Variants in CCDC50 observed in about 807,000 individuals in gnomAD.
CCDC50 encodes the protein coiled-coil domain-containing protein 50.
CCDC50 carries 54 observed loss-of-function variants against 70.2 expected under a neutral mutation model. The observed-to-expected ratio is 0.77, with a 90% CI of 0.62 to 0.96. CCDC50 has a LOEUF of 0.96. CCDC50 is among the 50% of genes least tolerant of loss of function. CCDC50 has a pLI of 0.00. For synonymous variants in CCDC50, 216 were observed against 198.8 expected (o/e 1.09, Z -0.73); for missense variants, 558 against 578.7 (o/e 0.96, Z 0.37).
At position 191,397,509 on chromosome 3, in the gene CCDC50, C is replaced by CA. The variant is rs1713898990; in HGVS notation, c.*5753dup. 6.6e-6 allele frequency: 1 copy of CA among 152,064 alleles called. No individual in the cohort carries two copies. Among genetic ancestry groups the CA allele is most frequent in the South Asian group, 2.1e-4 (1 of 4,820 alleles). The allele number at this position is 152,064 out of a possible 1,614,324, so 9.4% of individuals were successfully genotyped here. On this transcript the variant is annotated 3_prime_UTR_variant, in exon 12 of 12. Coordinates refer to ENST00000392455, the MANE Select transcript of CCDC50 (RefSeq NM_178335.3). ...GAGATAGCATATAAAAATGATGCTCCAAAATGAGAATTCTATATGGGGCTT... is the reference window on the plus strand; with the variant it reads ...GAGATAGCATATAAAAATGATGCTCCAAAAATGAGAATTCTATATGGGGCTT...
chr3:191,354,440 T>A (rs1314060869), intron 1 of CCDC50, among the ~76,000 whole-genome samples: 2 of 152,244 alleles, frequency 1.3e-5, no homozygotes, highest in Non-Finnish European at 2.9e-5. Context: ...GAAATATTTT[T>A]AAAATTATTG....
intron 1 of CCDC50, among the ~76,000 whole-genome samples, chr3:191,331,826 G>T (rs1184455559): frequency 1.3e-5 from 2 of 152,160 alleles, no homozygotes; most frequent in Non-Finnish European, 2.9e-5. Context: ...TGAAGCTTGT[G>T]CCCCTGATAG....
At chr3:191,333,992 A>G (rs773920052) in intron 1 of CCDC50, among the ~76,000 whole-genome samples, 4 of 152,194 alleles carry the variant, frequency 2.6e-5, no homozygotes, top group African/African-American at 7.2e-5. Context: ...ATAATCATTA[A>G]GAATAGAATT....
intron 9 of CCDC50, among the ~76,000 whole-genome samples, chr3:191,382,131 T>TA (rs1713340494): frequency 6.6e-6 from 1 of 152,114 alleles, no homozygotes; most frequent in South Asian, 2.1e-4. Context: ...TTTGCTACCT[T>TA]AACTAGGAAA....
At chr3:191,389,907 C>G (rs1713625651) in intron 11 of CCDC50, among the ~76,000 whole-genome samples, 1 of 122,642 alleles carries the variant, frequency 8.2e-6, no homozygotes, top group Admixed American at 1.1e-4. Context: ...GTTGCCCAGG[C>G]TGGAATGCAG....
chr3:191,357,489 G>A (rs1377100262), intron 2 of CCDC50, among the ~76,000 whole-genome samples: 1 of 152,188 alleles, frequency 6.6e-6, no homozygotes, highest in Non-Finnish European at 1.5e-5. Context: ...CTAGGATAGG[G>A]ACTTGAACAG....
chr3:191,345,739 G>GA (rs900360920), intron 1 of CCDC50, among the ~76,000 whole-genome samples: 8 of 150,502 alleles, frequency 5.3e-5, no homozygotes, highest in East Asian at 3.9e-4. Context: ...TAGGGGATTA[G>GA]AAAAAAAAAT....
chr3:191,385,285 TA>T (rs1158988966), intron 10 of CCDC50, among the ~76,000 whole-genome samples: 3 of 152,212 alleles, frequency 2.0e-5, no homozygotes, highest in Non-Finnish European at 4.4e-5. Flanking sequence ...ATCAACAGTG[TA>T]AAAGTGGTGT....
intron 1 of CCDC50, 123 bp downstream of exon 1, chr3:191,329,846 C>T: frequency 2.2e-6 from 2 of 927,856 alleles, no homozygotes; most frequent in Non-Finnish European, 3.2e-6. Context: ...CTGCGTTGGC[C>T]TTGCCCGGAC....
intron 11 of CCDC50, among the ~76,000 whole-genome samples, chr3:191,391,371 G>GA (rs1397347693): frequency 2.0e-5 from 3 of 152,016 alleles, no homozygotes; most frequent in Admixed American, 6.6e-5. Flanking sequence ...CCAATACTGA[G>GA]AAAAAGACAA....
At position 191,329,489 on chromosome 3, in the gene CCDC50, G is replaced by T; in HGVS notation, c.-186G>T. On this transcript the variant is annotated 5_prime_UTR_variant, in exon 1 of 12. Coordinates refer to ENST00000392455, the MANE Select transcript of CCDC50 (RefSeq NM_178335.3). ...CTGGGCCGCCAGCTTGGTGCCTCGGGGACCGTCTCCCGCTGCTTTGGTCAC... is the reference window on the plus strand; with the variant it reads ...CTGGGCCGCCAGCTTGGTGCCTCGGTGACCGTCTCCCGCTGCTTTGGTCAC... 1.9e-6 allele frequency: 1 copy of T among 521,716 alleles called. No homozygotes were observed. Among genetic ancestry groups the T allele is most frequent in the Non-Finnish European group, 3.3e-6 (1 of 303,144 alleles). The allele number at this position is 521,716 out of a possible 1,614,324, so 32.3% of individuals were successfully genotyped here. A position where few individuals can be genotyped will look rare whatever the true frequency, so the allele number is the denominator to read the frequency against.
chr3:191,330,294 A>AC (rs1316322194), intron 1 of CCDC50: 1 of 104,120 alleles, frequency 9.6e-6, no homozygotes, highest in African/African-American at 4.5e-5. Context: ...TCTTACAAAC[A>AC]AAACACACAC....
intron 1 of CCDC50, among the ~76,000 whole-genome samples, chr3:191,354,293 G>C (rs578075032): frequency 6.6e-6 from 1 of 152,046 alleles, no homozygotes; most frequent in Non-Finnish European, 1.5e-5. Context: ...GCCCCTCTTC[G>C]TCTCTCTGGA....
rs1301304135 is a variant in CCDC50 at position 191,378,133 on chromosome 3, A to G, written c.977-2026A>G. Among the ~76,000 whole-genome samples the G allele has an allele frequency of 2.6e-5, 4 of 152,090 alleles. No individual in the cohort carries two copies. The South Asian group carries it at 8.3e-4, about 32-fold the overall frequency. ...GTATTCCAGGCTGTGGAGATTTTCTACTTAATGAGATTTACAGATTCCAGT... is the reference window on the plus strand; with the variant it reads ...GTATTCCAGGCTGTGGAGATTTTCTGCTTAATGAGATTTACAGATTCCAGT... On this transcript the variant is annotated intron_variant, in intron 6 of 11. Coordinates refer to ENST00000392455, the MANE Select transcript of CCDC50 (RefSeq NM_178335.3).
chr3:191,370,413 A>G (rs1275068483), intron 5 of CCDC50: 9 of 246,058 alleles, frequency 3.7e-5, no homozygotes, highest in East Asian at 1.0e-4. Context: ...GCCTTCCTGT[A>G]TACATGTGTT....
chr3:191,342,609 A>G (rs1215349229), intron 1 of CCDC50, among the ~76,000 whole-genome samples: 1 of 152,106 alleles, frequency 6.6e-6, no homozygotes, highest in Admixed American at 6.6e-5. Context: ...GGCTGGGTTT[A>G]TCCTACAGAG....
chr3:191,382,798 A>G lies in CCDC50; in HGVS notation c.1295A>G (p.His432Arg). Reference protein sequence around the residue: ...NSKSKESDEPHHSKNERPARP... With the variant: ...NSKSKESDEPRHSKNERPARP... ...AAGTCAAAAGAGAGTGATGAACCTC[A>G]CCATTCTAAGAATGAAAGGCCAGCA... is the stretch of plus-strand genomic sequence containing the variant. The change falls in exon 10 of 12, where the codon CAC becomes CGC. Residue 432 changes from histidine to arginine, a missense_variant. His to Arg is a conservative substitution (Grantham distance 29). Coordinates refer to ENST00000392455, the MANE Select transcript of CCDC50 (RefSeq NM_178335.3). 1 of 1,612,992 alleles carries G rather than the reference A, an allele frequency of 6.2e-7. No homozygotes were observed. Among genetic ancestry groups the G allele is most frequent in the Non-Finnish European group, 8.5e-7 (1 of 1,179,128 alleles).
intron 1 of CCDC50, among the ~76,000 whole-genome samples, chr3:191,349,585 G>C (rs1296401188): frequency 7.1e-6 from 1 of 141,238 alleles, no homozygotes; most frequent in Admixed American, 7.2e-5. Context: ...TGGGGTGGTG[G>C]GAAGAGGGTG....
At chr3:191,364,362 C>G (rs532642130) in intron 4 of CCDC50, among the ~76,000 whole-genome samples, 1 of 150,740 alleles carries the variant, frequency 6.6e-6, no homozygotes, top group Non-Finnish European at 1.5e-5. Flanking sequence ...CCACCGCGCC[C>G]GGCCTCCTTT....
Sources: gnomAD v4.1 joint callset for allele counts (sites outside exome capture counted in the v4.1 genomes callset) on GRCh38, gnomAD v4.1.1 for gene constraint, MANE v1.5 for transcripts, NCBI Gene and HGNC (gene_info 2026-07-23, HGNC 2026-07-21) for gene names.